The following COLEC12 variants were observed in gnomAD, a reference collection of about 807,000 sequenced individuals.
COLEC12 encodes collectin subfamily member 12, also known as collectin-12.
COLEC12 carries 33 observed loss-of-function variants against 71.1 expected under a neutral mutation model. The observed-to-expected ratio is 0.46, with a 90% CI of 0.35 to 0.62. The LOEUF (loss-of-function observed/expected upper bound fraction) is 0.62. Ranked by LOEUF, COLEC12 falls within the 20% of genes least tolerant of loss-of-function variation. The pLI, the probability that COLEC12 is intolerant of heterozygous loss-of-function variation, is 0.00. For synonymous variants in COLEC12, 350 were observed against 353.0 expected (o/e 0.99, Z 0.10); for missense variants, 765 against 916.1 (o/e 0.84, Z 2.13).
intron 2 of COLEC12, among the ~76,000 whole-genome samples, chr18:429,529 C>T (rs933047135): frequency 2.0e-5 from 3 of 151,958 alleles, no homozygotes; most frequent in African/African-American, 7.3e-5. Context: ...TTACAGGTGC[C>T]TGCCACCATG....
intron 2 of COLEC12, among the ~76,000 whole-genome samples, chr18:449,557 A>G (rs983231232): frequency 6.6e-6 from 1 of 152,240 alleles, no homozygotes; most frequent in African/African-American, 2.4e-5. Context: ...CTGCTTTTAC[A>G]GAAAGAGACT....
intron 2 of COLEC12, among the ~76,000 whole-genome samples, chr18:397,176 C>G (rs181520086): frequency 1.3e-5 from 2 of 152,308 alleles, no homozygotes; most frequent in Non-Finnish European, 2.9e-5. Flanking sequence ...TCCCTCTTAT[C>G]CGTGGCTTCT....
intron 2 of COLEC12, among the ~76,000 whole-genome samples, chr18:374,048 T>C (rs1567888598): frequency 2.0e-5 from 3 of 152,162 alleles, no homozygotes; most frequent in Non-Finnish European, 4.4e-5. Flanking sequence ...ACTTGGCTCT[T>C]GTGCATGTCT....
At chr18:389,445 AT>A (rs1243577896) in intron 2 of COLEC12, among the ~76,000 whole-genome samples, 3 of 151,704 alleles carry the variant, frequency 2.0e-5, no homozygotes, top group African/African-American at 7.3e-5. Context: ...TGCTCGGCTA[AT>A]TTTTTGTATT....
At position 329,540 on chromosome 18, in the gene COLEC12, A is replaced by G. The variant is rs375123007; in HGVS notation, c.2063+2128T>C. 2.6e-5 allele frequency among the ~76,000 whole-genome samples: 4 copies of G among 152,288 alleles called. No individual in the cohort carries two copies. In the South Asian group the frequency reaches 6.2e-4, roughly 24 times the overall value. On this transcript the variant is annotated intron_variant, in intron 8 of 9. Coordinates refer to ENST00000400256, the MANE Select transcript of COLEC12 (RefSeq NM_130386.3). ...TTCCTGCAACTGTTTTGAGTCTCCT[A>G]AAGTGTGTCCCTGCTGTGTTGGGCA...
chr18:442,008 C>CT (rs1916549985), intron 2 of COLEC12, among the ~76,000 whole-genome samples: 1 of 32,380 alleles, frequency 3.1e-5, no homozygotes, highest in Non-Finnish European at 6.6e-5. Flanking sequence ...TCTCTACACA[C>CT]ACACACACAC....
At chr18:410,015 T>A (rs59122139) in intron 2 of COLEC12, among the ~76,000 whole-genome samples, 7,894 of 152,278 alleles carry the variant, frequency 0.052, 362 homozygotes, top group African/African-American at 0.12. Flanking sequence ...TTACTTAATT[T>A]CTCTGAACTT....
At chr18:430,506 T>C (rs1420931025) in intron 2 of COLEC12, among the ~76,000 whole-genome samples, 1 of 152,192 alleles carries the variant, frequency 6.6e-6, no homozygotes, top group Non-Finnish European at 1.5e-5. Flanking sequence ...CTTTCACTTA[T>C]ACAGTAAATT....
intron 1 of COLEC12, among the ~76,000 whole-genome samples, chr18:484,987 C>G (rs896498157): frequency 6.6e-6 from 1 of 151,996 alleles, no homozygotes; most frequent in Non-Finnish European, 1.5e-5. Context: ...ACCATAGCCA[C>G]GGGAAAGAGA....
Position 460,166 on chromosome 18 carries a change from C to T in COLEC12, c.58+20541G>A, listed in dbSNP as rs372896028. ...TGACAAGAGACTTCATTCAAACATA[C>T]GTGGAGTCCCCCTGCTGTCGGCCAA... On this transcript the variant is annotated intron_variant, in intron 2 of 9. Transcript: ENST00000400256. 3.3e-5 allele frequency among the ~76,000 whole-genome samples: 5 copies of T among 152,154 alleles called. No individual in the cohort carries two copies. The East Asian group carries it at 5.8e-4, about 18-fold the overall frequency.
intron 2 of COLEC12, among the ~76,000 whole-genome samples, chr18:464,374 G>A (rs1917045753): frequency 6.6e-6 from 1 of 152,164 alleles, no homozygotes; most frequent in Non-Finnish European, 1.5e-5. Context: ...TCCCTCCTTT[G>A]AATGGGCCGC....
At chr18:478,728 G>A (rs956928836) in intron 2 of COLEC12, among the ~76,000 whole-genome samples, 6 of 152,194 alleles carry the variant, frequency 3.9e-5, no homozygotes, top group African/African-American at 1.4e-4. Context: ...CTGAATCCAA[G>A]AATTCTCAGC....
intron 2 of COLEC12, among the ~76,000 whole-genome samples, chr18:420,688 AT>A (rs1916080553): frequency 6.6e-6 from 1 of 152,132 alleles, no homozygotes; most frequent in Non-Finnish European, 1.5e-5. Context: ...AAAGATTCGA[AT>A]GTTAAACTCA....
At position 389,350 on chromosome 18, in the gene COLEC12, C is replaced by A. The variant is rs1214842788; in HGVS notation, c.59-31828G>T. Among the ~76,000 whole-genome samples the A allele has an allele frequency of 3.3e-5, 5 of 151,220 alleles. No individual in the cohort carries two copies. The East Asian group carries it at 9.8e-4, about 30-fold the overall frequency. On this transcript the variant is annotated intron_variant, in intron 2 of 9. Coordinates refer to ENST00000400256, the MANE Select transcript of COLEC12 (RefSeq NM_130386.3). ...TTCACTGCAAGCTCTGCGATCTCGG[C>A]TCACTGCAAGCTCCGCCTCCCAGGT... is the stretch of plus-strand genomic sequence containing the variant.
chr18:369,120 G>C (rs1277250615), intron 2 of COLEC12, among the ~76,000 whole-genome samples: 4 of 152,194 alleles, frequency 2.6e-5, no homozygotes, highest in African/African-American at 9.7e-5. Context: ...AGAGCCGGCT[G>C]TTAAACATTT....
chr18:374,408 C>T (rs1019218432), intron 2 of COLEC12, among the ~76,000 whole-genome samples: 2 of 151,878 alleles, frequency 1.3e-5, no homozygotes, highest in Non-Finnish European at 2.9e-5. Context: ...GTATGACCTG[C>T]AATTGCAATC....
At position 326,660 on chromosome 18, in the gene COLEC12, G is replaced by T. The variant is rs190011671; in HGVS notation, c.2064-4853C>A. Among the ~76,000 whole-genome samples, 1,084 of 151,734 alleles carry T rather than the reference G, an allele frequency of 7.1e-3. 10 individuals are homozygous for T. Among genetic ancestry groups the T allele is most frequent in the African/African-American group, 0.023 (943 of 41,358 alleles). On this transcript the variant is annotated intron_variant, in intron 8 of 9. Transcript: ENST00000400256. ...CACCATGCCTGGCCTGATAGTTTTG[G>T]CTTTTTTTTAAATTTATTGAGACGT... is the stretch of plus-strand genomic sequence containing the variant.
At chr18:468,597 CATTTT>C (rs1216822425) in intron 2 of COLEC12, among the ~76,000 whole-genome samples, 6 of 152,114 alleles carry the variant, frequency 3.9e-5, no homozygotes, top group African/African-American at 1.4e-4. Flanking sequence ...ATGCTGAACT[CATTTT>C]TTTTGGTAAA....
chr18:454,033 G>A (rs762358673), intron 2 of COLEC12, among the ~76,000 whole-genome samples: 3 of 152,192 alleles, frequency 2.0e-5, no homozygotes, highest in Admixed American at 1.3e-4. Flanking sequence ...CCCTGCTTCC[G>A]CACTTCAGCA....
Sources: gnomAD v4.1 joint callset for allele counts (sites outside exome capture counted in the v4.1 genomes callset) on GRCh38, gnomAD v4.1.1 for gene constraint, MANE v1.5 for transcripts, NCBI Gene and HGNC (gene_info 2026-07-23, HGNC 2026-07-21) for gene names.